SNX1: variants seen among roughly 807,000 people sequenced by gnomAD.
SNX1 encodes sorting nexin-1.
In SNX1, 36 loss-of-function variants were observed where a neutral mutation model predicts 71.8. That is an observed-to-expected ratio of 0.50 (90% CI 0.38 to 0.66). SNX1 has a LOEUF of 0.66. Among genes scored for constraint, SNX1 ranks in the 30% least tolerant of loss-of-function variants. SNX1 has a pLI of 0.00. For synonymous variants in SNX1, 254 were observed against 240.7 expected (o/e 1.06, Z -0.51); for missense variants, 612 against 646.7 (o/e 0.95, Z 0.58).
rs1274970063 is a variant in SNX1 at position 64,134,869 on chromosome 15, C to T, written c.1365+62C>T. 3 of 1,589,072 alleles carry T rather than the reference C, an allele frequency of 1.9e-6. No homozygotes were observed. Among genetic ancestry groups the T allele is most frequent in the Non-Finnish European group, 2.6e-6 (3 of 1,167,154 alleles). On this transcript the variant is annotated intron_variant, in intron 12 of 14. Transcript: ENST00000559844. This position sits in a 1 kb window ranked among gnomAD's most constrained non-coding sequence, Gnocchi z 4.1. The stretch of plus-strand genomic sequence containing the variant: ...GCTGGTTCCAAATGAACCCAGGGCC[C>T]ATCCCACCCAGAGGTTTGGAACCCC...
At chr15:64,123,666 C>T in intron 5 of SNX1, 120 bp downstream of exon 5, 3 of 827,438 alleles carry the variant, frequency 3.6e-6, no homozygotes, top group Non-Finnish European at 6.0e-6. Context: ...TTCATGTTTA[C>T]TCAAGATAGA....
chr15:64,118,648 G>C (rs1044150945), intron 3 of SNX1, 140 bp from the exon 4 acceptor site: 17 of 609,030 alleles, frequency 2.8e-5, no homozygotes, highest in Non-Finnish European at 4.5e-5. Flanking sequence ...TTGGTACATT[G>C]GGATTGTTGG....
chr15:64,120,854 A>T (rs966619039), intron 4 of SNX1, among the ~76,000 whole-genome samples: 21 of 151,608 alleles, frequency 1.4e-4, no homozygotes, highest in African/African-American at 1.9e-4. Flanking sequence ...AAGAAAAAAA[A>T]TTTTTTTTTA....
In SNX1 at chr15:64,139,634, ATTTT is replaced by A. The variant is rs1282786063; in HGVS notation, c.*2020_*2023del. On this transcript the variant is annotated 3_prime_UTR_variant, in exon 15 of 15. Transcript: ENST00000559844. Reference sequence around the variant, plus strand: ...AGAATTACTTTAAGCATTATTCAGTATTTTTTTAAGTATTATTATCAAAATCAGG... The same window carrying A: ...AGAATTACTTTAAGCATTATTCAGTATTTAAGTATTATTATCAAAATCAGG... 1 of 140,342 alleles carries A rather than the reference ATTTT, an allele frequency of 7.1e-6. No individual in the cohort carries two copies. The highest frequency in any genetic ancestry group is 2.7e-5 in the African/African-American group (1 of 36,954). 8.7% of individuals were successfully genotyped at this position (140,342 alleles called of 1,614,324 possible).
At chr15:64,109,820 G>A (rs2081060712) in intron 1 of SNX1, among the ~76,000 whole-genome samples, 1 of 152,192 alleles carries the variant, frequency 6.6e-6, no homozygotes, top group Non-Finnish European at 1.5e-5. Context: ...ACAGATGTGA[G>A]CAACTGCACC....
At chr15:64,122,994 C>G (rs1009131618) in intron 4 of SNX1, among the ~76,000 whole-genome samples, 1 of 152,144 alleles carries the variant, frequency 6.6e-6, no homozygotes, top group Admixed American at 6.6e-5. Flanking sequence ...CAGTGTCCCC[C>G]CCGGCACCAA....
chr15:64,104,141 A>G (rs1238047538), intron 1 of SNX1, among the ~76,000 whole-genome samples: 1 of 152,184 alleles, frequency 6.6e-6, no homozygotes, highest in Admixed American at 6.5e-5. Flanking sequence ...GCATAAGTTT[A>G]GATTTCCCTG....
intron 1 of SNX1, among the ~76,000 whole-genome samples, chr15:64,107,718 C>G (rs1343140785): frequency 6.6e-6 from 1 of 150,598 alleles, no homozygotes; most frequent in East Asian, 2.0e-4. Flanking sequence ...TGTTGGATAT[C>G]CCAGCTAGGA....
intron 2 of SNX1, among the ~76,000 whole-genome samples, chr15:64,116,735 T>G (rs1211540807): frequency 6.6e-6 from 1 of 152,238 alleles, no homozygotes; most frequent in Non-Finnish European, 1.5e-5. Flanking sequence ...TTTGGACTGT[T>G]TAGGCTTAGA....
At chr15:64,105,646 C>A (rs2081012673) in intron 1 of SNX1, among the ~76,000 whole-genome samples, 1 of 152,162 alleles carries the variant, frequency 6.6e-6, no homozygotes, top group Non-Finnish European at 1.5e-5. Context: ...TACTGTGATT[C>A]TTCTGCGGTT....
chr15:64,131,036 G>A (rs959907498), intron 10 of SNX1, among the ~76,000 whole-genome samples: 4 of 152,198 alleles, frequency 2.6e-5, no homozygotes, highest in Non-Finnish European at 4.4e-5. Context: ...TGTAATCCCA[G>A]CAATTTGGGA....
At chr15:64,099,940 G>T (rs1428516679) in intron 1 of SNX1, among the ~76,000 whole-genome samples, 1 of 152,194 alleles carries the variant, frequency 6.6e-6, no homozygotes, top group Non-Finnish European at 1.5e-5. Flanking sequence ...AGGAACTCCT[G>T]ACCTCAAGGG....
chr15:64,117,823 G>T (rs1442180095), intron 2 of SNX1, among the ~76,000 whole-genome samples: 4 of 152,098 alleles, frequency 2.6e-5, no homozygotes, highest in Non-Finnish European at 4.4e-5. Context: ...ACTTATTTTG[G>T]CTGTGTTGTC....
intron 2 of SNX1, among the ~76,000 whole-genome samples, chr15:64,113,788 T>C (rs887076967): frequency 6.6e-6 from 1 of 151,614 alleles, no homozygotes; most frequent in Non-Finnish European, 1.5e-5. Flanking sequence ...GCTACTACAC[T>C]GCAGCCTGGG....
In SNX1 at chr15:64,126,140, T is replaced by C. The variant is rs747897527; in HGVS notation, c.572T>C (p.Leu191Pro). Residue 191 changes from leucine to proline, a missense_variant, in exon 6 of 15, where the codon CTG becomes CCG. Transcript: ENST00000559844. ...GTAAAAAGAAGATTTAGTGACTTTCTGGGTCTTTATGAGAAGCTTTCCGAG... is the reference window on the plus strand; with the variant it reads ...GTAAAAAGAAGATTTAGTGACTTTCCGGGTCTTTATGAGAAGCTTTCCGAG... ...FAVKRRFSDF[L>P]GLYEKLSEKH... is the part of the protein sequence containing the mutation. 3 of 1,614,048 alleles carry C rather than the reference T, an allele frequency of 1.9e-6. No homozygotes were observed. The highest frequency in any genetic ancestry group is 1.7e-6 in the Non-Finnish European group (2 of 1,180,012).
chr15:64,123,631 T>G, intron 5 of SNX1, 85 bp downstream of exon 5: 1 of 1,141,152 alleles, frequency 8.8e-7, no homozygotes, highest in Non-Finnish European at 1.3e-6. Flanking sequence ...TTTCTGGGTA[T>G]CTCCTTTGTT....
At chr15:64,131,998 T>A in intron 11 of SNX1, 106 bp downstream of exon 11, 1 of 1,161,788 alleles carries the variant, frequency 8.6e-7, no homozygotes, top group Non-Finnish European at 1.2e-6. Flanking sequence ...TGTAAATAGG[T>A]GTCACTTTTT....
chr15:64,119,442 C>T (rs537048033), intron 4 of SNX1, among the ~76,000 whole-genome samples: 3 of 152,100 alleles, frequency 2.0e-5, no homozygotes, highest in Non-Finnish European at 2.9e-5. Flanking sequence ...TTTAAAAACC[C>T]CAACAGGCCA....
Position 64,129,963 on chromosome 15 carries a change from C to T in SNX1, c.855C>T (p.Leu285=), listed in dbSNP as rs762522708. The part of the protein sequence containing the change: ...GTQTLSGAGL[L]KMFNKATDAV... Reference sequence around the variant, plus strand: ...AGACATTGAGTGGTGCTGGTCTCCTCAAGATGTTCAACAAAGCCACAGATG... The same window carrying T: ...AGACATTGAGTGGTGCTGGTCTCCTTAAGATGTTCAACAAAGCCACAGATG... Residue 285 remains leucine, a synonymous_variant, in exon 9 of 15, where the codon CTC becomes CTT. Transcript: ENST00000559844. This position sits in a 1 kb window ranked among gnomAD's most constrained non-coding sequence, Gnocchi z 4.4. 9 of 1,614,124 alleles carry T rather than the reference C, an allele frequency of 5.6e-6. 1 individual carries two copies. The South Asian group carries it at 9.9e-5, about 18-fold the overall frequency.
Sources: gnomAD v4.1 joint callset for allele counts (sites outside exome capture counted in the v4.1 genomes callset) on GRCh38, gnomAD v4.1.1 for gene constraint, Gnocchi (gnomAD v3.1) non-coding constraint, MANE v1.5 for transcripts, NCBI Gene and HGNC (gene_info 2026-07-23, HGNC 2026-07-21) for gene names.